Variants in SNTB1 observed in about 807,000 individuals in gnomAD.
The protein encoded by SNTB1 is syntrophin beta 1, also known as beta-1-syntrophin.
A neutral mutation model predicts 48.9 loss-of-function variants in SNTB1; 36 were observed. The observed-to-expected ratio is 0.74, with a 90% CI of 0.56 to 0.97. The LOEUF is 0.97. SNTB1 is among the 50% of genes least tolerant of loss of function. SNTB1 has a pLI of 0.00. For missense variants in SNTB1, 786 were observed against 703.4 expected (o/e 1.12, Z -1.33); for synonymous variants, 299 against 294.6 (o/e 1.01, Z -0.15).
chr8:120,565,247 G>A (rs1815730637), intron 4 of SNTB1, among the ~76,000 whole-genome samples: 1 of 152,090 alleles, frequency 6.6e-6, no homozygotes. Flanking sequence ...TAGAAGAGGG[G>A]TTAACAAATT....
At chr8:120,768,337 T>C (rs1563595804) in intron 1 of SNTB1, among the ~76,000 whole-genome samples, 2 of 152,198 alleles carry the variant, frequency 1.3e-5, no homozygotes, top group Non-Finnish European at 2.9e-5. Context: ...TGGCAGCCCA[T>C]ATCTTCAGAG....
chr8:120,731,917 C>T lies in SNTB1; in HGVS notation c.572-38009G>A, dbSNP rs77237162. 4.6e-3 allele frequency among the ~76,000 whole-genome samples: 694 copies of T among 152,272 alleles called. 5 individuals carry two copies. Among genetic ancestry groups the T allele is most frequent in the Admixed American group, 7.3e-3 (112 of 15,302 alleles). On this transcript the variant is annotated intron_variant, in intron 1 of 6. Transcript: ENST00000517992. ...ATTCCCGAATGCTATATAACTTCTG[C>T]AAAGGGGACTAGTATGACAATTTTA...
At chr8:120,671,796 A>G (rs1234229429) in intron 2 of SNTB1, among the ~76,000 whole-genome samples, 2 of 152,248 alleles carry the variant, frequency 1.3e-5, no homozygotes, top group Non-Finnish European at 2.9e-5. Flanking sequence ...TTTAACATAA[A>G]AAGCTGGCAA....
chr8:120,714,142 C>G (rs1182891943), intron 1 of SNTB1, among the ~76,000 whole-genome samples: 1 of 152,142 alleles, frequency 6.6e-6, no homozygotes, highest in African/African-American at 2.4e-5. Flanking sequence ...TTTAGTCTAC[C>G]AGACCAGAAT....
intron 4 of SNTB1, among the ~76,000 whole-genome samples, chr8:120,554,581 G>A (rs1815534730): frequency 6.6e-6 from 1 of 152,096 alleles, no homozygotes; most frequent in African/African-American, 2.4e-5. Context: ...TGCTGTCACT[G>A]AGTCACCAAA....
At chr8:120,637,529 A>G in intron 2 of SNTB1, 1 of 199,752 alleles carries the variant, frequency 5.0e-6, no homozygotes, top group Non-Finnish European at 1.0e-5. Context: ...ACTTATTTTT[A>G]TTGTGACATC....
intron 1 of SNTB1, among the ~76,000 whole-genome samples, chr8:120,751,483 T>G (rs1819213474): frequency 1.3e-5 from 2 of 151,404 alleles, no homozygotes; most frequent in African/African-American, 4.9e-5. Flanking sequence ...ACTTTTTTTT[T>G]GTGCAAGAAA....
intron 1 of SNTB1, among the ~76,000 whole-genome samples, chr8:120,720,737 G>C (rs771339118): frequency 1.2e-4 from 18 of 152,186 alleles, no homozygotes; most frequent in Non-Finnish European, 2.4e-4. Flanking sequence ...GTTTTGGCAG[G>C]ATGTTGGGCT....
chr8:120,539,055 T>G (rs760217111), intron 6 of SNTB1, 86 bp from the exon 7 acceptor site: 149 of 923,818 alleles, frequency 1.6e-4, no homozygotes, highest in Non-Finnish European at 2.4e-4. Flanking sequence ...CGAATCTATA[T>G]GCACTTCCTT....
chr8:120,783,954 ATG>A (rs1332303831), intron 1 of SNTB1, among the ~76,000 whole-genome samples: 1 of 152,124 alleles, frequency 6.6e-6, no homozygotes, highest in African/African-American at 2.4e-5. Context: ...ATATGGGAAA[ATG>A]TGTGTAGGTT....
intron 2 of SNTB1, among the ~76,000 whole-genome samples, chr8:120,680,832 G>A (rs1817918247): frequency 6.6e-6 from 1 of 152,114 alleles, no homozygotes; most frequent in African/African-American, 2.4e-5. Flanking sequence ...GCACCCAGAT[G>A]GTCAAGTTTA....
intron 1 of SNTB1, among the ~76,000 whole-genome samples, chr8:120,696,509 A>C (rs1818212948): frequency 6.6e-6 from 1 of 152,200 alleles, no homozygotes; most frequent in African/African-American, 2.4e-5. Flanking sequence ...ATTAAGTTTC[A>C]AATGACCATT....
chr8:120,741,565 C>T lies in SNTB1; in HGVS notation c.572-47657G>A, dbSNP rs370090373. ...CGGAGGTTGCAGTGAGCCGAGGTCACGCCACTGCACTCCCACCTGGGTGAT... is the reference window on the plus strand; with the variant it reads ...CGGAGGTTGCAGTGAGCCGAGGTCATGCCACTGCACTCCCACCTGGGTGAT... On this transcript the variant is annotated intron_variant, in intron 1 of 6. Coordinates refer to ENST00000517992, the MANE Select transcript of SNTB1 (RefSeq NM_021021.4). 5.3e-5 allele frequency among the ~76,000 whole-genome samples: 8 copies of T among 152,280 alleles called. No individual in the cohort carries two copies. In the East Asian group the frequency reaches 1.2e-3, roughly 22 times the overall value.
intron 4 of SNTB1, among the ~76,000 whole-genome samples, chr8:120,558,282 T>C (rs1228240118): frequency 6.6e-6 from 1 of 152,160 alleles, no homozygotes; most frequent in Non-Finnish European, 1.5e-5. Context: ...AACTATACTA[T>C]AGTAACCAAG....
chr8:120,624,352 C>G (rs894973950), intron 3 of SNTB1, among the ~76,000 whole-genome samples: 2 of 152,134 alleles, frequency 1.3e-5, no homozygotes, highest in Non-Finnish European at 2.9e-5. Context: ...CATCCCATGA[C>G]AGAAGAAGCA....
chr8:120,559,966 G>T (rs565511582), intron 4 of SNTB1, among the ~76,000 whole-genome samples: 1 of 152,072 alleles, frequency 6.6e-6, no homozygotes, highest in East Asian at 1.9e-4. Context: ...TGGCCAGATT[G>T]CTTACATGGT....
intron 1 of SNTB1, among the ~76,000 whole-genome samples, chr8:120,731,643 G>C (rs1818852710): frequency 6.6e-6 from 1 of 152,172 alleles, no homozygotes; most frequent in African/African-American, 2.4e-5. Context: ...CAGATATCAG[G>C]CTCATTTTAC....
At chr8:120,624,798 A>G (rs1403740718) in intron 3 of SNTB1, among the ~76,000 whole-genome samples, 1 of 152,200 alleles carries the variant, frequency 6.6e-6, no homozygotes, top group Non-Finnish European at 1.5e-5. Flanking sequence ...TGAAATCAAA[A>G]CAAGTTATCT....
chr8:120,698,986 T>C (rs1818259537), intron 1 of SNTB1, among the ~76,000 whole-genome samples: 1 of 152,176 alleles, frequency 6.6e-6, no homozygotes, highest in Non-Finnish European at 1.5e-5. Flanking sequence ...TATTAAGCAA[T>C]ACAGGAGTTT....
Sources: allele counts gnomAD v4.1 joint callset (sites outside exome capture counted in the v4.1 genomes callset), GRCh38; gene constraint gnomAD v4.1.1; transcripts MANE v1.5; gene names NCBI Gene and HGNC (gene_info 2026-07-23, HGNC 2026-07-21).